ESRRG: variants seen among roughly 807,000 people sequenced by gnomAD.
The protein encoded by ESRRG is estrogen-related receptor gamma.
Under a neutral mutation model 44.0 loss-of-function variants are expected in ESRRG, and 13 were observed. That is an observed-to-expected ratio of 0.30 (90% confidence interval 0.19 to 0.47). ESRRG has a LOEUF of 0.47. Ranked by LOEUF, ESRRG falls within the 20% of genes least tolerant of loss-of-function variation. The pLI is 1.00. For missense variants in ESRRG, 395 were observed against 580.6 expected (o/e 0.68, Z 3.29); for synonymous variants, 215 against 214.6 (o/e 1.00, Z -0.02).
chr1:216,682,336 AAAG>A (rs144786624), intron 1 of ESRRG, among the ~76,000 whole-genome samples: 4,168 of 152,338 alleles, frequency 0.027, 181 homozygotes, highest in African/African-American at 0.095. Context: ...AATGTCAATT[AAAG>A]AAGTTAACAC....
chr1:216,811,812 GA>G (rs1300694219), intron 2 of ESRRG, among the ~76,000 whole-genome samples: 2 of 152,050 alleles, frequency 1.3e-5, no homozygotes, highest in African/African-American at 4.8e-5. Context: ...CAGATAAGCT[GA>G]AAAAAGGGTT....
chr1:216,732,899 T>C (rs1045858265), intron 2 of ESRRG, among the ~76,000 whole-genome samples: 3 of 151,600 alleles, frequency 2.0e-5, no homozygotes, highest in Non-Finnish European at 2.9e-5. Flanking sequence ...CCCTTCTCTG[T>C]CAGGAATTTT....
intron 3 of ESRRG, among the ~76,000 whole-genome samples, chr1:216,592,105 C>G (rs2057762937): frequency 6.6e-6 from 1 of 152,184 alleles, no homozygotes; most frequent in African/African-American, 2.4e-5. Context: ...TGAATCTAAT[C>G]ACGAAGAAAC....
At chr1:216,953,557 C>T (rs1296540029) in intron 1 of ESRRG, among the ~76,000 whole-genome samples, 1 of 152,014 alleles carries the variant, frequency 6.6e-6, no homozygotes, top group Non-Finnish European at 1.5e-5. Flanking sequence ...TGTTCCCTAT[C>T]CCCGATACCT....
intron 2 of ESRRG, among the ~76,000 whole-genome samples, chr1:216,653,690 C>A (rs2069608479): frequency 6.6e-6 from 1 of 152,166 alleles, no homozygotes; most frequent in Admixed American, 6.5e-5. Context: ...AAAACGATTT[C>A]TTGGTTTTCA....
chr1:216,560,110 T>C (rs985645693), intron 5 of ESRRG, among the ~76,000 whole-genome samples: 4 of 152,194 alleles, frequency 2.6e-5, no homozygotes, highest in Admixed American at 2.6e-4. Context: ...CTGTTTCTTA[T>C]GTGAATACAT....
At chr1:216,771,575 A>T (rs2093381835) in intron 2 of ESRRG, among the ~76,000 whole-genome samples, 1 of 152,126 alleles carries the variant, frequency 6.6e-6, no homozygotes, top group Admixed American at 6.6e-5. Flanking sequence ...ATATGCATCT[A>T]AAAGATTCCT....
At chr1:216,589,603 AC>A (rs991408711) in intron 3 of ESRRG, among the ~76,000 whole-genome samples, 16 of 152,094 alleles carry the variant, frequency 1.1e-4, no homozygotes, top group African/African-American at 3.9e-4. Context: ...TGACTACTGT[AC>A]CATCCAAACT....
intron 1 of ESRRG, among the ~76,000 whole-genome samples, chr1:216,680,802 A>G (rs2076910811): frequency 1.3e-5 from 2 of 152,210 alleles, no homozygotes; most frequent in Admixed American, 1.3e-4. Context: ...ATTCACAACT[A>G]TCTATAAATT....
intron 1 of ESRRG, among the ~76,000 whole-genome samples, chr1:217,001,135 C>T (rs2076985115): frequency 6.6e-6 from 1 of 152,204 alleles, no homozygotes; most frequent in Non-Finnish European, 1.5e-5. Flanking sequence ...AATGGTTCAA[C>T]TAATTTCTTC....
At chr1:216,774,236 C>A (rs1226027269) in intron 2 of ESRRG, among the ~76,000 whole-genome samples, 1 of 152,070 alleles carries the variant, frequency 6.6e-6, no homozygotes, top group African/African-American at 2.4e-5. Flanking sequence ...TCCCTGCCTC[C>A]TTACCTTCTG....
intron 1 of ESRRG, among the ~76,000 whole-genome samples, chr1:216,683,182 T>A (rs143355028): frequency 1.3e-5 from 2 of 152,180 alleles, no homozygotes; most frequent in Non-Finnish European, 2.9e-5. Flanking sequence ...AGAAAGGATT[T>A]TTTCTTTTAA....
chr1:216,742,319 G>A (rs1429821620), intron 2 of ESRRG, among the ~76,000 whole-genome samples: 1 of 152,124 alleles, frequency 6.6e-6, no homozygotes, highest in Non-Finnish European at 1.5e-5. Context: ...TGAGAGAGGA[G>A]CAAAAGATGC....
At chr1:216,564,558 CAT>C (rs1235872830) in intron 4 of ESRRG, among the ~76,000 whole-genome samples, 178 bp from the exon 5 acceptor site, 3 of 152,110 alleles carry the variant, frequency 2.0e-5, no homozygotes, top group Non-Finnish European at 4.4e-5. Context: ...CATAGCAAGA[CAT>C]ATGCCACTGC....
At chr1:216,648,831 A>T (rs2068233178) in intron 3 of ESRRG, among the ~76,000 whole-genome samples, 1 of 152,148 alleles carries the variant, frequency 6.6e-6, no homozygotes, top group Admixed American at 6.6e-5. Flanking sequence ...AAAAATAATG[A>T]TTCCTCAACT....
intron 2 of ESRRG, among the ~76,000 whole-genome samples, chr1:216,849,997 T>C (rs1021401270): frequency 2.0e-5 from 3 of 152,176 alleles, no homozygotes; most frequent in Non-Finnish European, 4.4e-5. Flanking sequence ...ATTTTCATTC[T>C]AAATAAATGG....
intron 3 of ESRRG, among the ~76,000 whole-genome samples, chr1:216,609,735 G>A (rs1012749531): frequency 1.2e-4 from 18 of 152,098 alleles, no homozygotes; most frequent in African/African-American, 4.1e-4. Flanking sequence ...AAAGACAGGA[G>A]ACATAAGCAT....
At chr1:216,718,904 T>C (rs950057669) in intron 1 of ESRRG, among the ~76,000 whole-genome samples, 7 of 152,018 alleles carry the variant, frequency 4.6e-5, no homozygotes, top group Admixed American at 1.3e-4. Context: ...AAAAGCTGGA[T>C]AAGTGATGCT....
intron 3 of ESRRG, among the ~76,000 whole-genome samples, chr1:216,634,610 A>G (rs1294393268): frequency 6.6e-6 from 1 of 152,200 alleles, no homozygotes; most frequent in East Asian, 1.9e-4. Context: ...CATAGCAAGT[A>G]CTTTAATTAG....
Sources: allele counts gnomAD v4.1 joint callset (sites outside exome capture counted in the v4.1 genomes callset), GRCh38; gene constraint gnomAD v4.1.1; transcripts MANE v1.5; gene names NCBI Gene and HGNC (gene_info 2026-07-23, HGNC 2026-07-21).